TG: variants seen among roughly 807,000 people sequenced by gnomAD.
The protein encoded by TG is thyroglobulin.
In TG, 270 loss-of-function variants were observed where a neutral mutation model predicts 324.7. The ratio of observed to expected loss-of-function variants is 0.83; its 90% confidence interval spans 0.75 to 0.92. The LOEUF is 0.92. TG is among the 40% of genes least tolerant of loss of function. The probability of loss-of-function intolerance (pLI) is 0.00; values close to 1 mark genes in which losing one functional copy is unlikely to be tolerated. For missense variants in TG, 3,591 were observed against 3,456.4 expected (o/e 1.04, Z -0.98); for synonymous variants, 1,401 against 1,327.0 (o/e 1.06, Z -1.21).
At chr8:132,939,984 T>C (rs1357240299) in intron 25 of TG, among the ~76,000 whole-genome samples, 3 of 152,036 alleles carry the variant, frequency 2.0e-5, no homozygotes, top group Non-Finnish European at 4.4e-5. Context: ...CCCCAGTATA[T>C]GTTTTTTTTA....
intron 43 of TG, among the ~76,000 whole-genome samples, chr8:133,108,976 A>T (rs189941255): frequency 7.9e-5 from 12 of 152,274 alleles, no homozygotes; most frequent in African/African-American, 2.9e-4. Context: ...TTTCGTTGGG[A>T]TCTGTTAATA....
intron 10 of TG, 69 bp from the exon 11 acceptor site, chr8:132,893,621 T>C (rs1436509557): frequency 8.1e-6 from 13 of 1,608,482 alleles, no homozygotes; most frequent in South Asian, 1.1e-5. Flanking sequence ...AGGGCACACA[T>C]GCTTCATGGG....
chr8:133,029,682 C>T (rs1836438701), intron 40 of TG, 139 bp from the exon 41 acceptor site: 2 of 1,005,140 alleles, frequency 2.0e-6, no homozygotes, highest in African/African-American at 1.6e-5. Flanking sequence ...GTATTTGGAA[C>T]CCACAGTCTC....
intron 43 of TG, among the ~76,000 whole-genome samples, chr8:133,110,220 A>AC (rs772236626): frequency 1.3e-5 from 2 of 152,058 alleles, no homozygotes; most frequent in Non-Finnish European, 2.9e-5. Context: ...GGGGCATTAG[A>AC]CCCACCCAAT....
At chr8:133,002,418 A>C (rs1292176578) in intron 35 of TG, 3 of 985,262 alleles carry the variant, frequency 3.0e-6, no homozygotes, top group Non-Finnish European at 3.6e-6. Context: ...TTTGTTGCTC[A>C]ATAAGCCGCC....
chr8:132,933,687 G>A lies in TG; in HGVS notation c.4932+11G>A. Reference sequence around the variant, plus strand: ...ATGACTTCTGACCAGGTGAGGTGGGGCAGCCACGTGTGGTTCTGCTCCTCA... The same window carrying A: ...ATGACTTCTGACCAGGTGAGGTGGGACAGCCACGTGTGGTTCTGCTCCTCA... On this transcript the variant is annotated intron_variant, in intron 24 of 47. Transcript: ENST00000220616. 2 of 1,612,170 alleles carry A rather than the reference G, an allele frequency of 1.2e-6. No homozygotes were observed. The highest frequency in any genetic ancestry group is 2.2e-5 in the East Asian group (1 of 44,866).
chr8:133,022,858 C>T (rs1009390267), intron 40 of TG, among the ~76,000 whole-genome samples: 9 of 152,198 alleles, frequency 5.9e-5, no homozygotes, highest in African/African-American at 2.2e-4. Context: ...GGGCCACCTC[C>T]GGCTGTGGAC....
chr8:132,950,415 G>A (rs950319528), intron 27 of TG, among the ~76,000 whole-genome samples: 3 of 152,184 alleles, frequency 2.0e-5, no homozygotes, highest in Admixed American at 6.5e-5. Context: ...CCAAAGGCTG[G>A]CAGAGACTCT....
intron 20 of TG, among the ~76,000 whole-genome samples, chr8:132,916,344 C>T (rs765214942): frequency 4.6e-5 from 7 of 152,228 alleles, no homozygotes; most frequent in Non-Finnish European, 1.0e-4. Context: ...CTAAATCCAA[C>T]TCTGTCTGCC....
At chr8:132,977,936 C>T (rs543679254) in intron 34 of TG, among the ~76,000 whole-genome samples, 2 of 152,248 alleles carry the variant, frequency 1.3e-5, no homozygotes, top group Admixed American at 6.5e-5. Flanking sequence ...GGTAGAAGTC[C>T]CTGCCCACAA....
intron 40 of TG, among the ~76,000 whole-genome samples, chr8:133,027,018 G>A (rs996718572): frequency 1.3e-5 from 2 of 152,120 alleles, no homozygotes; most frequent in African/African-American, 4.8e-5. Context: ...CAAAGCACAC[G>A]AACATTAACT....
At chr8:133,054,612 G>A (rs942707453) in intron 41 of TG, among the ~76,000 whole-genome samples, 1 of 152,176 alleles carries the variant, frequency 6.6e-6, no homozygotes, top group Non-Finnish European at 1.5e-5. Context: ...CTCAAGACCA[G>A]TGTTAGCCAA....
intron 45 of TG, 132 bp from the exon 46 acceptor site, chr8:133,131,680 A>G (rs1296842420): frequency 1.3e-5 from 18 of 1,346,422 alleles, no homozygotes; most frequent in Non-Finnish European, 1.7e-5. Context: ...GGCCCTAAAC[A>G]GGATACTTGG....
intron 41 of TG, among the ~76,000 whole-genome samples, chr8:133,036,139 T>A (rs1385888750): frequency 4.6e-5 from 7 of 152,246 alleles, no homozygotes; most frequent in Non-Finnish European, 2.9e-5. Flanking sequence ...ACAAGGCTGT[T>A]TGCTGCTCAT....
At position 132,894,442 on chromosome 8, in the gene TG, A is replaced by G. The variant is rs559019544; in HGVS notation, c.3001+513A>G. Among the ~76,000 whole-genome samples the G allele has an allele frequency of 5.9e-5, 9 of 152,188 alleles. No individual in the cohort carries two copies. In the South Asian group the frequency reaches 1.9e-3, roughly 32 times the overall value. On this transcript the variant is annotated intron_variant, in intron 11 of 47. Coordinates refer to ENST00000220616, the MANE Select transcript of TG (RefSeq NM_003235.5). ...GGAGCCTGCAGTCCTCTGGTCTATA[A>G]TAACAGCTGAACAGTATGCTTTTTT...
At chr8:132,889,731 C>T (rs1815959496) in intron 10 of TG, among the ~76,000 whole-genome samples, 1 of 152,128 alleles carries the variant, frequency 6.6e-6, no homozygotes, top group South Asian at 2.1e-4. Flanking sequence ...TATTTGTATG[C>T]AATTTTAGGA....
Position 132,882,785 on chromosome 8 carries a change from G to A in TG, c.890-29G>A, listed in dbSNP as rs767298012. The A allele has an allele frequency of 1.8e-5, 29 of 1,614,062 alleles. No homozygotes were observed. The East Asian group carries it at 6.5e-4, about 36-fold the overall frequency. On this transcript the variant is annotated intron_variant, in intron 7 of 47. Transcript: ENST00000220616. Reference sequence around the variant, plus strand: ...GAAGACACCAAGCATTGTTGACACTGTCTTCTTTACTGTGTGGATTTCCTC... The same window carrying A: ...GAAGACACCAAGCATTGTTGACACTATCTTCTTTACTGTGTGGATTTCCTC...
At chr8:132,966,931 C>G (rs1447363162) in intron 30 of TG, among the ~76,000 whole-genome samples, 1 of 152,228 alleles carries the variant, frequency 6.6e-6, no homozygotes, top group Non-Finnish European at 1.5e-5. Context: ...GTCTCTCCAT[C>G]TATCCGTCCA....
At position 133,011,973 on chromosome 8, in the gene TG, T is replaced by C; in HGVS notation, c.6335T>C (p.Val2112Ala). Residue 2112 changes from valine to alanine, a missense_variant, in exon 36 of 48, where the codon GTT (valine) becomes GCT (alanine). Transcript: ENST00000220616. ...GATCCATCCATTAGGCACTTTGATG[T>C]TGCCCATGTCAGCACTGCTGCCACC... ...VVDPSIRHFD[V>A]AHVSTAATSN... is the part of the protein sequence containing the mutation. 6.2e-7 allele frequency: 1 copy of C among 1,614,244 alleles called. No individual in the cohort carries two copies. The highest frequency in any genetic ancestry group is 1.3e-5 in the African/African-American group (1 of 75,054).
Sources: allele counts gnomAD v4.1 joint callset (sites outside exome capture counted in the v4.1 genomes callset), GRCh38; gene constraint gnomAD v4.1.1; transcripts MANE v1.5; gene names NCBI Gene and HGNC (gene_info 2026-07-23, HGNC 2026-07-21).